The following MICAL2 variants were observed in gnomAD, a reference collection of about 807,000 sequenced individuals.
The protein encoded by MICAL2 is [F-actin]-monooxygenase MICAL2.
In MICAL2, 77 loss-of-function variants were observed where a neutral mutation model predicts 127.3. The ratio of observed to expected loss-of-function variants is 0.60; its 90% CI spans 0.50 to 0.73. The LOEUF (loss-of-function observed/expected upper bound fraction) is 0.73. Among genes scored for constraint, MICAL2 ranks in the 30% least tolerant of loss-of-function variants. The pLI, the probability that MICAL2 is intolerant of heterozygous loss-of-function variation, is 0.00. For synonymous variants in MICAL2, 570 were observed against 551.1 expected (o/e 1.03, Z -0.48); for missense variants, 1,351 against 1,434.4 (o/e 0.94, Z 0.94).
chr11:12,218,830 G>T (rs1429960780), intron 8 of MICAL2, among the ~76,000 whole-genome samples: 2 of 152,210 alleles, frequency 1.3e-5, no homozygotes, highest in East Asian at 3.8e-4. Context: ...TGTAAATGCG[G>T]CACTCTGTGA....
At chr11:12,206,592 T>A (rs1478471443) in intron 4 of MICAL2, among the ~76,000 whole-genome samples, 1 of 152,100 alleles carries the variant, frequency 6.6e-6, no homozygotes, top group Non-Finnish European at 1.5e-5. Flanking sequence ...CCCAGCCACA[T>A]CTCTAGCCTC....
chr11:12,292,107 A>T, downstream of MICAL2: 1 of 1,590,030 alleles, frequency 6.3e-7, no homozygotes, highest in Non-Finnish European at 8.6e-7. Flanking sequence ...AAATAATAAC[A>T]CCTTTGTAAT....
intron 27 of MICAL2, chr11:12,262,797 C>T (rs1863306268): frequency 2.3e-6 from 1 of 437,086 alleles, no homozygotes. Context: ...TCCCTTGGGT[C>T]TGCCTGCGTG....
chr11:12,328,663 G>T (rs1864381109), intron 32 of MICAL2, among the ~76,000 whole-genome samples: 1 of 152,142 alleles, frequency 6.6e-6, no homozygotes, highest in South Asian at 2.1e-4. Flanking sequence ...TTTATAATGT[G>T]ATGTCTTCAG....
chr11:12,148,191 A>G (rs1211819174), intron 2 of MICAL2, among the ~76,000 whole-genome samples: 2 of 152,180 alleles, frequency 1.3e-5, no homozygotes, highest in Non-Finnish European at 2.9e-5. Flanking sequence ...GATTCCCTGA[A>G]TAGACTGTGA....
At chr11:12,332,828 C>T (rs1000357945) in intron 32 of MICAL2, among the ~76,000 whole-genome samples, 1 of 152,182 alleles carries the variant, frequency 6.6e-6, no homozygotes, top group Non-Finnish European at 1.5e-5. Flanking sequence ...ATCCTGACCC[C>T]CTTCTTGGAA....
chr11:12,311,531 C>T (rs1392317124), intron 29 of MICAL2, among the ~76,000 whole-genome samples: 1 of 152,180 alleles, frequency 6.6e-6, no homozygotes, highest in African/African-American at 2.4e-5. Context: ...CCTGCCTTAG[C>T]CTCCAGAGTA....
downstream of MICAL2, among the ~76,000 whole-genome samples, chr11:12,288,980 C>T (rs1445153122): frequency 6.6e-6 from 1 of 152,228 alleles, no homozygotes; most frequent in East Asian, 1.9e-4. Context: ...TGCATGGTAC[C>T]ATCCCTCCTG....
chr11:12,204,543 C>A (rs942030794), intron 4 of MICAL2, 86 bp downstream of exon 4: 2 of 1,330,072 alleles, frequency 1.5e-6, no homozygotes, highest in African/African-American at 1.5e-5. Flanking sequence ...GAGTCCCCAG[C>A]TTGTTCCATC....
At chr11:12,292,258 TG>T (rs1301810136), downstream of MICAL2, 1 of 1,614,010 alleles carries the variant, frequency 6.2e-7, no homozygotes, top group African/African-American at 1.3e-5. Context: ...CTTCAACCAG[TG>T]TTTCTGGGAA....
chr11:12,310,327 T>G (rs1864159303), intron 29 of MICAL2, among the ~76,000 whole-genome samples: 1 of 152,180 alleles, frequency 6.6e-6, no homozygotes, highest in South Asian at 2.1e-4. Flanking sequence ...ATTCAAGTCT[T>G]TAATTCACTT....
downstream of MICAL2, among the ~76,000 whole-genome samples, chr11:12,289,281 G>A (rs1316082271): frequency 6.6e-6 from 1 of 152,212 alleles, no homozygotes; most frequent in Non-Finnish European, 1.5e-5. Flanking sequence ...TGAGACCCCT[G>A]CAGAAGGCAA....
At chr11:12,349,096 C>A (rs1939002545) in intron 32 of MICAL2, among the ~76,000 whole-genome samples, 1 of 152,178 alleles carries the variant, frequency 6.6e-6, no homozygotes, top group South Asian at 2.1e-4. Context: ...TGCCATACAG[C>A]TTGTGTTCTC....
chr11:12,256,092 G>C (rs1862291016), intron 23 of MICAL2: 1 of 225,322 alleles, frequency 4.4e-6, no homozygotes, highest in South Asian at 1.4e-4. Flanking sequence ...AACAGACTCT[G>C]TGCATTGGAT....
chr11:12,265,651 A>G (rs915032919), downstream of MICAL2, among the ~76,000 whole-genome samples: 8 of 150,830 alleles, frequency 5.3e-5, no homozygotes, highest in Non-Finnish European at 8.9e-5. Context: ...GGCACCTCTC[A>G]TAGTGTAGAT....
downstream of MICAL2, chr11:12,358,660 T>C (rs1184066915): frequency 1.2e-5 from 6 of 499,688 alleles, no homozygotes; most frequent in Non-Finnish European, 2.0e-5. Flanking sequence ...CTTCCAGAGA[T>C]TCAAATGAAG....
At chr11:12,195,705 CT>C (rs35521222) in intron 3 of MICAL2, among the ~76,000 whole-genome samples, 2,889 of 144,576 alleles carry the variant, frequency 0.02, 104 homozygotes, top group African/African-American at 0.065. Context: ...CAATAGATTT[CT>C]TTTTTTTTTT....
intron 2 of MICAL2, among the ~76,000 whole-genome samples, chr11:12,282,391 T>C (rs10741576): frequency 0.29 from 43,452 of 151,964 alleles, 7,259 homozygotes; most frequent in East Asian, 0.7. Context: ...AGCTCCCCAT[T>C]TCCAGATATG....
rs148883583 is a variant in MICAL2 at position 12,164,621 on chromosome 11, A to C, written c.264+2202A>C. The stretch of plus-strand genomic sequence containing the variant: ...TCTCCATGTTCGAAGCCTCTCATTC[A>C]CATCTTTATAGCTCCATTCCAAAAG... On this transcript the variant is annotated intron_variant, in intron 3 of 27. Coordinates refer to ENST00000683283, the MANE Select transcript of MICAL2 (RefSeq NM_001282663.2). Among the ~76,000 whole-genome samples, 177 of 152,276 alleles carry C rather than the reference A, an allele frequency of 1.2e-3. 1 individual carries two copies. Among genetic ancestry groups the C allele is most frequent in the Non-Finnish European group, 2.1e-3 (143 of 68,024 alleles).
Sources: gnomAD v4.1 joint callset for allele counts (sites outside exome capture counted in the v4.1 genomes callset) on GRCh38, gnomAD v4.1.1 for gene constraint, MANE v1.5 for transcripts, NCBI Gene and HGNC (gene_info 2026-07-23, HGNC 2026-07-21) for gene names.